Variants in ESR1 observed in about 807,000 individuals in gnomAD.
The protein encoded by ESR1 is estrogen receptor.
ESR1 carries 12 observed loss-of-function variants against 52.7 expected under a neutral mutation model. That is an observed-to-expected ratio of 0.23 (90% CI 0.15 to 0.37). The LOEUF (loss-of-function observed/expected upper bound fraction) is 0.37. Ranked by LOEUF, ESR1 falls within the 10% of genes least tolerant of loss-of-function variation. The pLI is 1.00. For missense variants in ESR1, 584 were observed against 779.7 expected (o/e 0.75, Z 2.99); for synonymous variants, 305 against 316.8 (o/e 0.96, Z 0.39).
At chr6:152,073,336 A>G (rs1280978075) in intron 6 of ESR1, among the ~76,000 whole-genome samples, 1 of 152,180 alleles carries the variant, frequency 6.6e-6, no homozygotes, top group Admixed American at 6.5e-5. Flanking sequence ...TCGATTTTGT[A>G]TTTTTAATAG....
intron 4 of ESR1, among the ~76,000 whole-genome samples, chr6:151,948,995 A>C (rs1477183484): frequency 1.3e-5 from 2 of 152,240 alleles, no homozygotes; most frequent in African/African-American, 2.4e-5. Flanking sequence ...AATTTTAAGA[A>C]GTCTCTGAGC....
chr6:151,812,809 T>C (rs1182411040), intron 1 of ESR1, among the ~76,000 whole-genome samples: 1 of 152,106 alleles, frequency 6.6e-6, no homozygotes, highest in African/African-American at 2.4e-5. Context: ...ATATGCATAC[T>C]CCAGAGAAAG....
At chr6:152,107,839 T>C (rs1255726155), downstream of ESR1, among the ~76,000 whole-genome samples, 5 of 152,218 alleles carry the variant, frequency 3.3e-5, no homozygotes, top group African/African-American at 1.2e-4. Flanking sequence ...TGGCTTCTGA[T>C]ATTTCTGCTA....
intron 2 of ESR1, among the ~76,000 whole-genome samples, chr6:151,861,427 A>G (rs999281811): frequency 1.3e-5 from 2 of 152,224 alleles, no homozygotes; most frequent in African/African-American, 4.8e-5. Flanking sequence ...TAAATAAAAT[A>G]CAGTTCCTCT....
intron 2 of ESR1, among the ~76,000 whole-genome samples, chr6:151,741,233 C>T (rs182012402): frequency 3.7e-4 from 56 of 152,130 alleles, no homozygotes; most frequent in Non-Finnish European, 5.1e-4. Flanking sequence ...CTTCCTCCTT[C>T]TCCTCCTCAC....
chr6:151,992,199 G>A (rs962998575), intron 4 of ESR1, among the ~76,000 whole-genome samples: 1 of 152,152 alleles, frequency 6.6e-6, no homozygotes, highest in Non-Finnish European at 1.5e-5. Context: ...ACCTCTTGAA[G>A]TGTATAGCTC....
intron 2 of ESR1, among the ~76,000 whole-genome samples, chr6:151,735,646 G>A (rs1782591439): frequency 6.6e-6 from 1 of 152,084 alleles, no homozygotes; most frequent in African/African-American, 2.4e-5. Context: ...TGAAGTCTGG[G>A]ATTTTAGTTT....
At chr6:151,832,781 C>A (rs1782653975) in intron 1 of ESR1, among the ~76,000 whole-genome samples, 1 of 152,146 alleles carries the variant, frequency 6.6e-6, no homozygotes, top group Admixed American at 6.5e-5. Flanking sequence ...ACTTATAATA[C>A]TGTATCCATA....
intron 2 of ESR1, among the ~76,000 whole-genome samples, chr6:151,868,181 G>A (rs1192984881): frequency 6.6e-6 from 1 of 152,066 alleles, no homozygotes; most frequent in Non-Finnish European, 1.5e-5. Context: ...AGGCTAGAGT[G>A]CAATGGCTTG....
intron 4 of ESR1, among the ~76,000 whole-genome samples, chr6:151,951,201 C>T (rs1419507128): frequency 2.6e-5 from 4 of 152,030 alleles, no homozygotes; most frequent in Non-Finnish European, 5.9e-5. Flanking sequence ...ATCTTTGATG[C>T]ATTTGAATTC....
intron 2 of ESR1, among the ~76,000 whole-genome samples, chr6:151,858,255 C>T (rs1788237467): frequency 6.6e-6 from 1 of 152,150 alleles, no homozygotes. Flanking sequence ...CAGAGGAAAG[C>T]CTGTGTTGAT....
chr6:152,072,249 CT>C, intron 6 of ESR1, among the ~76,000 whole-genome samples: 1 of 152,266 alleles, frequency 6.6e-6, no homozygotes, highest in African/African-American at 2.4e-5. Context: ...GTTTTGTGAC[CT>C]GCACTGACAC....
intron 2 of ESR1, among the ~76,000 whole-genome samples, chr6:151,716,421 C>T (rs2206949): frequency 0.31 from 47,774 of 151,898 alleles, 8,055 homozygotes; most frequent in African/African-American, 0.43. Flanking sequence ...TCTGCTGAAG[C>T]TGTGCTCACA....
chr6:151,829,664 G>C (rs1285748531), intron 1 of ESR1, among the ~76,000 whole-genome samples: 1 of 152,216 alleles, frequency 6.6e-6, no homozygotes, highest in Non-Finnish European at 1.5e-5. Flanking sequence ...GCTGGCTACA[G>C]ATGTTATTGT....
At chr6:152,013,842 C>G (rs2042964613) in intron 5 of ESR1, among the ~76,000 whole-genome samples, 1 of 152,098 alleles carries the variant, frequency 6.6e-6, no homozygotes, top group Non-Finnish European at 1.5e-5. Flanking sequence ...ATTTGTCAGT[C>G]TCTTTACTAT....
At chr6:151,956,586 A>C (rs2036935604) in intron 4 of ESR1, among the ~76,000 whole-genome samples, 1 of 152,058 alleles carries the variant, frequency 6.6e-6, no homozygotes, top group Non-Finnish European at 1.5e-5. Context: ...TGAGGTAGAG[A>C]AAGGTTAATA....
At chr6:151,873,872 T>G (rs1791387877) in intron 2 of ESR1, among the ~76,000 whole-genome samples, 2 of 152,240 alleles carry the variant, frequency 1.3e-5, no homozygotes, top group African/African-American at 4.8e-5. Context: ...TAAACCATAG[T>G]TAATTTTATG....
intron 2 of ESR1, among the ~76,000 whole-genome samples, chr6:151,710,046 G>T (rs376406486): frequency 6.6e-6 from 1 of 151,600 alleles, no homozygotes; most frequent in Non-Finnish European, 1.5e-5. Flanking sequence ...TATAAAGAAC[G>T]AATTGTTTAA....
intron 4 of ESR1, among the ~76,000 whole-genome samples, chr6:151,970,078 C>T (rs1242114481): frequency 2.0e-5 from 3 of 152,084 alleles, no homozygotes; most frequent in African/African-American, 4.8e-5. Flanking sequence ...TATTTCTTCC[C>T]TCTGCCCCCG....
Sources: allele counts gnomAD v4.1 joint callset (sites outside exome capture counted in the v4.1 genomes callset), GRCh38; gene constraint gnomAD v4.1.1; transcripts MANE v1.5; gene names NCBI Gene and HGNC (gene_info 2026-07-23, HGNC 2026-07-21).